The following SEC22A variants were observed in gnomAD, a reference collection of about 807,000 sequenced individuals.
The protein encoded by SEC22A is vesicle-trafficking protein SEC22a.
Under a neutral mutation model 35.3 loss-of-function variants are expected in SEC22A, and 22 were observed. The observed-to-expected ratio is 0.62, with a 90% CI of 0.45 to 0.89. The LOEUF (loss-of-function observed/expected upper bound fraction) is 0.89. Ranked by LOEUF, SEC22A falls within the 40% of genes least tolerant of loss-of-function variation. SEC22A has a pLI of 0.00. For synonymous variants in SEC22A, 119 were observed against 129.5 expected (o/e 0.92, Z 0.55); for missense variants, 354 against 362.5 (o/e 0.98, Z 0.19).
intron 4 of SEC22A, among the ~76,000 whole-genome samples, chr3:123,240,953 G>T (rs1478968730): frequency 6.6e-6 from 1 of 150,382 alleles, no homozygotes; most frequent in East Asian, 2.0e-4. Context: ...ATGCTGCTCT[G>T]TTTTGGCTGG....
chr3:123,219,931 G>A (rs1270290510), intron 2 of SEC22A, among the ~76,000 whole-genome samples: 1 of 152,086 alleles, frequency 6.6e-6, no homozygotes, highest in East Asian at 1.9e-4. Context: ...GGGAAAACTA[G>A]CTTTGCATTT....
intron 4 of SEC22A, among the ~76,000 whole-genome samples, chr3:123,241,626 A>C (rs1292438220): frequency 1.3e-5 from 2 of 152,148 alleles, no homozygotes; most frequent in Non-Finnish European, 2.9e-5. Context: ...TAAGAGAAAA[A>C]AGAATTATTT....
At chr3:123,233,985 TAATA>T (rs1184533940) in intron 4 of SEC22A, among the ~76,000 whole-genome samples, 1 of 152,184 alleles carries the variant, frequency 6.6e-6, no homozygotes, top group Admixed American at 6.5e-5. Context: ...ATTTGAGAAC[TAATA>T]AATGAGTTCA....
chr3:123,205,093 A>C (rs1936830301), intron 1 of SEC22A, among the ~76,000 whole-genome samples: 1 of 152,198 alleles, frequency 6.6e-6, no homozygotes, highest in Admixed American at 6.5e-5. Context: ...AAAAAGAAAA[A>C]AAGTAGGGGT....
chr3:123,203,451 T>G (rs1366721252), intron 1 of SEC22A, among the ~76,000 whole-genome samples: 1 of 152,232 alleles, frequency 6.6e-6, no homozygotes, highest in Non-Finnish European at 1.5e-5. Context: ...TTTCAGGCAC[T>G]TTACATGATC....
At chr3:123,223,836 A>G (rs1937173382) in intron 3 of SEC22A, 114 bp downstream of exon 3, 1 of 714,734 alleles carries the variant, frequency 1.4e-6, no homozygotes, top group African/African-American at 1.8e-5. Context: ...TGATATAATA[A>G]TTTGGTAAAT....
At position 123,271,932 on chromosome 3, in the gene SEC22A, A is replaced by G; in HGVS notation, c.*210A>G. ...TGGCCATGAGACTATCATTCAGAGG[A>G]GGAGGGGATTTCTCTCTTCAAGGCC... On this transcript the variant is annotated 3_prime_UTR_variant, in exon 7 of 7. Transcript: ENST00000492595. 1.7e-6 allele frequency: 1 copy of G among 574,966 alleles called. No homozygotes were observed. Among genetic ancestry groups the G allele is most frequent in the East Asian group, 2.9e-5 (1 of 34,594 alleles). The allele number at this position is 574,966 out of a possible 1,614,324, so 35.6% of individuals were successfully genotyped here.
chr3:123,259,588 A>T lies in SEC22A; in HGVS notation c.722A>T (p.Gln241Leu), dbSNP rs1455449025. ...FFLGTAACLY[Q>L]CYLLVYYTGW... ...CTTGGAACAGCAGCCTGCCTTTACC[A>T]GGTAGGTTTTCTTCCATTTTAAAGA... is the stretch of plus-strand genomic sequence containing the variant. Residue 241 changes from glutamine (Q) to leucine (L), a missense_variant and splice_region_variant, in exon 6 of 7, where the codon CAG (glutamine) becomes CTG (leucine). Physicochemically the swap from Gln to Leu is moderately radical, Grantham distance 113 (BLOSUM62 -2). Coordinates refer to ENST00000492595, the MANE Select transcript of SEC22A (RefSeq NM_012430.5). 6.2e-7 allele frequency: 1 copy of T among 1,608,940 alleles called. No homozygotes were observed. Among genetic ancestry groups the T allele is most frequent in the South Asian group, 1.1e-5 (1 of 90,688 alleles).
rs1403646305 is a variant in SEC22A, at chr3:123,273,402, G to C, written c.*1680G>C. ...GCTCCAGTCTTCTCCTCTAACAAAA[G>C]TATGCATATTCTGAGAGATACCCCA... On this transcript the variant is annotated 3_prime_UTR_variant, in exon 7 of 7. Coordinates refer to ENST00000492595, the MANE Select transcript of SEC22A (RefSeq NM_012430.5). 1 of 152,156 alleles carries C rather than the reference G, an allele frequency of 6.6e-6. No individual in the cohort carries two copies. The highest frequency in any genetic ancestry group is 2.4e-5 in the African/African-American group (1 of 41,430). The allele number at this position is 152,156 out of a possible 1,614,324, so 9.4% of individuals were successfully genotyped here.
At chr3:123,220,074 A>G (rs1349972963) in intron 2 of SEC22A, among the ~76,000 whole-genome samples, 1 of 152,234 alleles carries the variant, frequency 6.6e-6, no homozygotes, top group African/African-American at 2.4e-5. Context: ...ATGCCATGTT[A>G]AAGACATAGG....
chr3:123,219,030 G>A (rs1285580770), intron 2 of SEC22A, among the ~76,000 whole-genome samples: 2 of 152,224 alleles, frequency 1.3e-5, no homozygotes, highest in Admixed American at 6.5e-5. Flanking sequence ...TACTGTAGGA[G>A]TGGGATCAGT....
intron 4 of SEC22A, among the ~76,000 whole-genome samples, chr3:123,239,520 C>A (rs1218597437): frequency 1.3e-5 from 2 of 151,748 alleles, no homozygotes. Context: ...TGTTCTCATT[C>A]TAACTGGTGT....
intron 1 of SEC22A, chr3:123,208,482 T>G (rs926280983): frequency 6.6e-6 from 1 of 152,186 alleles, no homozygotes; most frequent in African/African-American, 2.4e-5. Flanking sequence ...TCTGTACTTA[T>G]GAGAATGCCA....
At chr3:123,270,117 G>A (rs1484565587) in intron 6 of SEC22A, among the ~76,000 whole-genome samples, 2 of 152,174 alleles carry the variant, frequency 1.3e-5, no homozygotes, top group Non-Finnish European at 2.9e-5. Flanking sequence ...TTCCTGGTTT[G>A]ATGATTATAC....
intron 1 of SEC22A, chr3:123,208,797 T>G (rs573011348): frequency 5.3e-4 from 92 of 174,968 alleles, no homozygotes; most frequent in African/African-American, 1.5e-3. Flanking sequence ...TAGTTTTTTG[T>G]TTTTTTTTTC....
chr3:123,223,816 A>C (rs1012231901), intron 3 of SEC22A, 94 bp downstream of exon 3: 1 of 858,564 alleles, frequency 1.2e-6, no homozygotes. Flanking sequence ...GACTTCTGCT[A>C]TCTTGCTTTT....
intron 5 of SEC22A, among the ~76,000 whole-genome samples, chr3:123,248,061 A>G (rs889759389): frequency 2.0e-5 from 3 of 152,206 alleles, no homozygotes; most frequent in African/African-American, 7.2e-5. Flanking sequence ...AACATCCTCA[A>G]TTTGATAAAG....
chr3:123,250,577 C>A (rs916375259), intron 5 of SEC22A, among the ~76,000 whole-genome samples: 1 of 152,166 alleles, frequency 6.6e-6, no homozygotes, highest in South Asian at 2.1e-4. Context: ...CCTTCTCTTC[C>A]TATGGAGGGA....
At chr3:123,245,492 C>A (rs189979683) in intron 4 of SEC22A, among the ~76,000 whole-genome samples, 38 of 152,094 alleles carry the variant, frequency 2.5e-4, no homozygotes, top group African/African-American at 8.9e-4. Flanking sequence ...GCCGGGAGTT[C>A]AAGACCAGCT....
Sources: gnomAD v4.1 joint callset for allele counts (sites outside exome capture counted in the v4.1 genomes callset) on GRCh38, gnomAD v4.1.1 for gene constraint, MANE v1.5 for transcripts, NCBI Gene and HGNC (gene_info 2026-07-23, HGNC 2026-07-21) for gene names.